Variants in CCDC6 observed in about 807,000 individuals in gnomAD.
CCDC6 encodes the protein coiled-coil domain-containing protein 6.
In CCDC6, 20 loss-of-function variants were observed where a neutral mutation model predicts 56.6. The ratio of observed to expected loss-of-function variants is 0.35; its 90% CI spans 0.25 to 0.51. CCDC6 has a LOEUF of 0.51. Ranked by LOEUF, CCDC6 falls within the 20% of genes least tolerant of loss-of-function variation. The pLI is 0.95. For missense variants in CCDC6, 367 were observed against 601.1 expected, an observed-to-expected ratio of 0.61 and a Z score of 4.07; for synonymous variants, 241 against 234.4, an observed-to-expected ratio of 1.03 and a Z score of -0.26.
At chr10:59,881,525 T>C (rs951378848) in intron 1 of CCDC6, among the ~76,000 whole-genome samples, 2 of 152,168 alleles carry the variant, frequency 1.3e-5, no homozygotes, top group African/African-American at 4.8e-5. Context: ...TTGGGCTAAT[T>C]TTTAATACAT....
At chr10:59,872,133 A>C (rs1261980712) in intron 1 of CCDC6, among the ~76,000 whole-genome samples, 1 of 152,216 alleles carries the variant, frequency 6.6e-6, no homozygotes, top group Non-Finnish European at 1.5e-5. Flanking sequence ...AACTATCTCT[A>C]TGATTAAATG....
Position 59,906,302 on chromosome 10 carries a change from G to GCCGCCTCCCCCGCCGCCA in CCDC6, c.105_122dup (p.Gly39_Gly44dup). 6.2e-7 allele frequency: 1 copy of GCCGCCTCCCCCGCCGCCA among 1,601,688 alleles called. No individual in the cohort carries two copies. Among genetic ancestry groups the GCCGCCTCCCCCGCCGCCA allele is most frequent in the African/African-American group, 1.3e-5 (1 of 74,868 alleles). The stretch of plus-strand genomic sequence containing the variant: ...CAATGCCCCCCGACTTCCCACCGCC[G>GCCGCCTCCCCCGCCGCCA]CCGCCTCCCCCGCCGCCACCGCCGC... On this transcript the variant is annotated inframe_insertion, in exon 1 of 9. Coordinates refer to ENST00000263102, the MANE Select transcript of CCDC6 (RefSeq NM_005436.5).
chr10:59,833,530 CA>C (rs1353940191), intron 2 of CCDC6, among the ~76,000 whole-genome samples: 4 of 151,090 alleles, frequency 2.6e-5, no homozygotes, highest in Non-Finnish European at 5.9e-5. Context: ...AAAAACAAAC[CA>C]AACTCCAACC....
At chr10:59,808,751 A>G (rs140218584) in intron 5 of CCDC6, among the ~76,000 whole-genome samples, 66 of 152,320 alleles carry the variant, frequency 4.3e-4, no homozygotes, top group East Asian at 2.1e-3. Context: ...TCAACTCTCA[A>G]TGCCCATCAA....
At chr10:59,808,411 G>A (rs2070644885) in intron 5 of CCDC6, among the ~76,000 whole-genome samples, 1 of 152,130 alleles carries the variant, frequency 6.6e-6, no homozygotes, top group South Asian at 2.1e-4. Flanking sequence ...TTCCTCTTTT[G>A]ACAACCTCCC....
chr10:59,859,133 G>C (rs2071103009), intron 1 of CCDC6, among the ~76,000 whole-genome samples: 1 of 151,886 alleles, frequency 6.6e-6, no homozygotes, highest in South Asian at 2.1e-4. Flanking sequence ...GTTAGGGAGG[G>C]AACATGAACA....
chr10:59,793,434 T>A (rs1236698679), intron 8 of CCDC6, among the ~76,000 whole-genome samples: 1 of 152,204 alleles, frequency 6.6e-6, no homozygotes, highest in Non-Finnish European at 1.5e-5. Flanking sequence ...ATTCCCTCTA[T>A]TGCTTATCTC....
chr10:59,852,726 G>C (rs753184409), intron 1 of CCDC6, 24 bp from the exon 2 acceptor site: 4 of 1,474,384 alleles, frequency 2.7e-6, no homozygotes, highest in African/African-American at 1.5e-5. Context: ...AAAAAGGAAA[G>C]AACAAAACAA....
rs749224815 is a variant in CCDC6, at chr10:59,906,311, C to CCCGCCGCCA, written c.105_113dup (p.Gly42_Gly44dup). The CCCGCCGCCA allele has an allele frequency of 1.9e-6, 3 of 1,600,912 alleles. No individual in the cohort carries two copies. The highest frequency in any genetic ancestry group is 3.3e-5 in the Admixed American group (2 of 59,876). ...CCGACTTCCCACCGCCGCCGCCTCC[C>CCCGCCGCCA]CCGCCGCCACCGCCGCCGCCCGAGG... On this transcript the variant is annotated inframe_insertion, in exon 1 of 9. Coordinates refer to ENST00000263102, the MANE Select transcript of CCDC6 (RefSeq NM_005436.5).
At chr10:59,832,718 CCAAAAGGTGACTATA>C in intron 2 of CCDC6, 65 bp from the exon 3 acceptor site, 2 of 1,537,908 alleles carry the variant, frequency 1.3e-6, no homozygotes, top group Non-Finnish European at 1.8e-6. Flanking sequence ...AACACTGGCT[CCAAAAGGTGACTATA>C]CAAAGAAGCT....
intron 1 of CCDC6, among the ~76,000 whole-genome samples, chr10:59,900,662 G>A (rs1291872854): frequency 2.6e-5 from 4 of 152,158 alleles, no homozygotes; most frequent in African/African-American, 9.7e-5. Context: ...AGCCTCTCTG[G>A]TCCTGAACAA....
intron 1 of CCDC6, among the ~76,000 whole-genome samples, chr10:59,874,800 G>A (rs2071264338): frequency 6.6e-6 from 1 of 152,128 alleles, no homozygotes; most frequent in Admixed American, 6.5e-5. Flanking sequence ...GATGAGGAAG[G>A]GGCCATGAGA....
At chr10:59,795,994 T>C (rs1490025482) in intron 7 of CCDC6, among the ~76,000 whole-genome samples, 1 of 152,212 alleles carries the variant, frequency 6.6e-6, no homozygotes, top group East Asian at 1.9e-4. Flanking sequence ...ATATACCCAG[T>C]AATGGGATGG....
At chr10:59,859,327 A>G (rs1231061190) in intron 1 of CCDC6, among the ~76,000 whole-genome samples, 2 of 152,026 alleles carry the variant, frequency 1.3e-5, no homozygotes, top group African/African-American at 2.4e-5. Flanking sequence ...GAAACAATCT[A>G]TTTTGGATCC....
chr10:59,818,318 A>G (rs1193268611), intron 3 of CCDC6, among the ~76,000 whole-genome samples: 3 of 151,944 alleles, frequency 2.0e-5, no homozygotes, highest in Admixed American at 2.0e-4. Context: ...CTATCAATCT[A>G]CTGCCCACCT....
At chr10:59,815,043 G>A (rs978880751) in intron 3 of CCDC6, among the ~76,000 whole-genome samples, 2 of 152,164 alleles carry the variant, frequency 1.3e-5, no homozygotes, top group Non-Finnish European at 2.9e-5. Flanking sequence ...GGTCTTTAGG[G>A]GAGTTCGGTG....
At chr10:59,819,825 C>T (rs2132636037) in intron 3 of CCDC6, among the ~76,000 whole-genome samples, 1 of 152,224 alleles carries the variant, frequency 6.6e-6, no homozygotes, top group East Asian at 1.9e-4. Flanking sequence ...ACCCAAGCCC[C>T]GTACTGTGAT....
chr10:59,863,844 A>C (rs1315323435), intron 1 of CCDC6, among the ~76,000 whole-genome samples: 3 of 152,202 alleles, frequency 2.0e-5, no homozygotes, highest in Admixed American at 2.0e-4. Flanking sequence ...AAAAAGCCCT[A>C]ACTTTACATC....
At chr10:59,849,517 G>GC (rs2071020596) in intron 2 of CCDC6, among the ~76,000 whole-genome samples, 1 of 152,162 alleles carries the variant, frequency 6.6e-6, no homozygotes, top group African/African-American at 2.4e-5. Flanking sequence ...CTCTTCTATA[G>GC]CAAGTCTCAT....
Sources: gnomAD v4.1 joint callset for allele counts (sites outside exome capture counted in the v4.1 genomes callset) on GRCh38, gnomAD v4.1.1 for gene constraint, MANE v1.5 for transcripts, NCBI Gene and HGNC (gene_info 2026-07-23, HGNC 2026-07-21) for gene names.